The following CD247 variants were observed in gnomAD, a reference collection of about 807,000 sequenced individuals.
The protein encoded by CD247 is T-cell surface glycoprotein CD3 zeta chain.
Under a neutral mutation model 30.0 loss-of-function variants are expected in CD247, and 13 were observed. The ratio of observed to expected loss-of-function variants is 0.43; its 90% confidence interval spans 0.28 to 0.69. The LOEUF (loss-of-function observed/expected upper bound fraction) is 0.69, where lower values mean the gene tolerates loss of function less well. Among genes scored for constraint, CD247 ranks in the 30% least tolerant of loss-of-function variants. The probability of loss-of-function intolerance (pLI) is 0.16; values close to 1 mark genes in which losing one functional copy is unlikely to be tolerated. For synonymous variants in CD247, 72 were observed against 80.0 expected, an observed-to-expected ratio of 0.90 and a Z score of 0.53; for missense variants, 193 against 212.6, an observed-to-expected ratio of 0.91 and a Z score of 0.57.
intron 1 of CD247, among the ~76,000 whole-genome samples, chr1:167,479,724 C>T (rs1420051568): frequency 6.6e-6 from 1 of 152,158 alleles, no homozygotes; most frequent in Non-Finnish European, 1.5e-5. Flanking sequence ...CAACACCTAC[C>T]CTCTCCCTGT....
chr1:167,506,934 T>C (rs1655165043), intron 1 of CD247, among the ~76,000 whole-genome samples: 1 of 143,162 alleles, frequency 7.0e-6, no homozygotes, highest in Non-Finnish European at 1.5e-5. Context: ...TCTTGCTCTG[T>C]CGCCCAGGCT....
chr1:167,490,492 G>A (rs12086754), intron 1 of CD247, among the ~76,000 whole-genome samples: 2,621 of 152,040 alleles, frequency 0.017, 73 homozygotes, highest in African/African-American at 0.06. Flanking sequence ...GCTTGGTGGC[G>A]CACGCCTGTA....
chr1:167,485,943 CGA>C, intron 1 of CD247, among the ~76,000 whole-genome samples: 1 of 152,068 alleles, frequency 6.6e-6, no homozygotes, highest in Non-Finnish European at 1.5e-5. Flanking sequence ...TGAAAGAAAA[CGA>C]CTGGAGGCTG....
In CD247 at chr1:167,431,468, G is replaced by T. The variant is rs1023342314; in HGVS notation, c.*213C>A. 1.6e-6 allele frequency: 1 copy of T among 629,562 alleles called. No individual in the cohort carries two copies. The highest frequency in any genetic ancestry group is 2.9e-6 in the Non-Finnish European group (1 of 349,000). 39.0% of individuals were successfully genotyped at this position (629,562 alleles called of 1,614,324 possible). A position where few individuals can be genotyped will look rare whatever the true frequency, so the allele number is the denominator to read the frequency against. ...GCAAACCAGAGGGCCCAAGGCCAGG[G>T]CCGTAAGCCCTGGGAGTACACTCCC... is the stretch of plus-strand genomic sequence containing the variant. On this transcript the variant is annotated 3_prime_UTR_variant, in exon 8 of 8. Coordinates refer to ENST00000362089, the MANE Select transcript of CD247 (RefSeq NM_198053.3).
At chr1:167,448,589 C>T (rs988999197) in intron 1 of CD247, 1 of 931,406 alleles carries the variant, frequency 1.1e-6, no homozygotes, top group Admixed American at 6.2e-5. Context: ...ACCTCAATCA[C>T]CCTGAACTGC....
chr1:167,475,045 C>G (rs970826266), intron 1 of CD247, among the ~76,000 whole-genome samples: 1 of 152,122 alleles, frequency 6.6e-6, no homozygotes, highest in Non-Finnish European at 1.5e-5. Context: ...AGCCACCGCA[C>G]CCGGCAAAAC....
At chr1:167,440,267 C>G (rs1571514950) in intron 2 of CD247, 2 of 307,840 alleles carry the variant, frequency 6.5e-6, no homozygotes, top group African/African-American at 4.3e-5. Context: ...ACGCTCTGGT[C>G]AGCTCCCCAG....
intron 1 of CD247, among the ~76,000 whole-genome samples, chr1:167,476,975 A>G (rs1653773626): frequency 6.6e-6 from 1 of 152,258 alleles, no homozygotes; most frequent in Non-Finnish European, 1.5e-5. Flanking sequence ...TAAAGGTTAC[A>G]GTGCCAAATT....
At chr1:167,495,463 T>C (rs985546987) in intron 1 of CD247, among the ~76,000 whole-genome samples, 4 of 152,176 alleles carry the variant, frequency 2.6e-5, no homozygotes, top group African/African-American at 9.7e-5. Context: ...GCTTGGCATA[T>C]AGGAGCGCAA....
At chr1:167,439,459 G>T in intron 2 of CD247, 59 bp from the exon 3 acceptor site, 2 of 1,529,466 alleles carry the variant, frequency 1.3e-6, no homozygotes, top group Non-Finnish European at 1.8e-6. Flanking sequence ...GGGAGCCGGG[G>T]TGCCAGGGCG....
chr1:167,461,747 C>T (rs866007654), intron 1 of CD247, among the ~76,000 whole-genome samples: 1 of 152,170 alleles, frequency 6.6e-6, no homozygotes, highest in South Asian at 2.1e-4. Flanking sequence ...ACTCAGGAGG[C>T]TGAGGCAGGA....
chr1:167,477,108 C>A (rs1653781272), intron 1 of CD247, among the ~76,000 whole-genome samples: 1 of 152,154 alleles, frequency 6.6e-6, no homozygotes, highest in East Asian at 1.9e-4. Flanking sequence ...ATTTTGGAAT[C>A]CAAGAGATTA....
chr1:167,450,911 CAAAAA>C (rs35555237), intron 1 of CD247, among the ~76,000 whole-genome samples: 1 of 116,496 alleles, frequency 8.6e-6, no homozygotes, highest in Non-Finnish European at 1.8e-5. Context: ...GCATCTGTCT[CAAAAA>C]AAAAAAAAAA....
intron 1 of CD247, among the ~76,000 whole-genome samples, chr1:167,492,397 T>C (rs1057180251): frequency 6.6e-6 from 1 of 152,176 alleles, no homozygotes; most frequent in Non-Finnish European, 1.5e-5. Context: ...ATTCTCCCAC[T>C]GGCTGTTGCT....
At chr1:167,490,687 C>T (rs1408840683) in intron 1 of CD247, among the ~76,000 whole-genome samples, 1 of 152,138 alleles carries the variant, frequency 6.6e-6, no homozygotes, top group Admixed American at 6.5e-5. Flanking sequence ...AATCCCAGCC[C>T]TTTGGGAGGC....
chr1:167,479,465 A>G (rs1020759610), intron 1 of CD247, among the ~76,000 whole-genome samples: 19 of 152,216 alleles, frequency 1.2e-4, no homozygotes, highest in Non-Finnish European at 2.4e-4. Flanking sequence ...TGACCACACA[A>G]TGGTGGCGAT....
chr1:167,465,644 T>G (rs972483386), intron 1 of CD247, among the ~76,000 whole-genome samples: 3 of 152,216 alleles, frequency 2.0e-5, no homozygotes, highest in African/African-American at 7.2e-5. Context: ...TTCTTTCTTC[T>G]TCACCTGTAG....
chr1:167,474,344 G>A (rs541508258), intron 1 of CD247, among the ~76,000 whole-genome samples: 1 of 152,134 alleles, frequency 6.6e-6, no homozygotes, highest in South Asian at 2.1e-4. Context: ...TGAGACACCT[G>A]CTTGGGTAGG....
At chr1:167,460,815 C>T (rs896889877) in intron 1 of CD247, among the ~76,000 whole-genome samples, 1 of 152,130 alleles carries the variant, frequency 6.6e-6, no homozygotes, top group Non-Finnish European at 1.5e-5. Flanking sequence ...GTTCAACTCT[C>T]GGGGAGTTAT....
Sources: gnomAD v4.1 joint callset for allele counts (sites outside exome capture counted in the v4.1 genomes callset) on GRCh38, gnomAD v4.1.1 for gene constraint, MANE v1.5 for transcripts, NCBI Gene and HGNC (gene_info 2026-07-23, HGNC 2026-07-21) for gene names.